The following HTR3E variants were observed in gnomAD, a reference collection of about 807,000 sequenced individuals.
HTR3E encodes 5-hydroxytryptamine (serotonin) receptor 3, family member E.
Under a neutral mutation model 38.0 loss-of-function variants are expected in HTR3E, and 38 were observed. That is an observed-to-expected ratio of 1.00 (90% CI 0.77 to 1.31). The LOEUF (loss-of-function observed/expected upper bound fraction) is 1.31. HTR3E is among the 50% of genes most tolerant of loss of function. HTR3E has a pLI of 0.00. For synonymous variants in HTR3E, 210 were observed against 232.9 expected, an observed-to-expected ratio of 0.90 and a Z score of 0.89; for missense variants, 547 against 585.2, an observed-to-expected ratio of 0.93 and a Z score of 0.67.
In HTR3E at chr3:184,100,711, A is replaced by C. The variant is rs554981782; in HGVS notation, c.234+60A>C. Reference sequence around the variant, plus strand: ...CTTAACCTTTTTCCAGCCCCTGGCAAAGTGGCCCCCCAAAGCCCTTATCCA... The same window carrying C: ...CTTAACCTTTTTCCAGCCCCTGGCACAGTGGCCCCCCAAAGCCCTTATCCA... On this transcript the variant is annotated intron_variant, in intron 2 of 8. Coordinates refer to ENST00000415389, the MANE Select transcript of HTR3E (RefSeq NM_001256613.2). The C allele has an allele frequency of 2.6e-5, 41 of 1,572,518 alleles. No homozygotes were observed. The African/African-American group carries it at 5.4e-4, about 21-fold the overall frequency.
chr3:184,103,773 G>T (rs1712230424), intron 3 of HTR3E, among the ~76,000 whole-genome samples: 1 of 151,440 alleles, frequency 6.6e-6, no homozygotes, highest in Admixed American at 6.6e-5. Flanking sequence ...CTCCAGCCTG[G>T]GTGACAGAGC....
In HTR3E at chr3:184,100,646, G is replaced by A; in HGVS notation, c.229G>A (p.Asp77Asn). The A allele has an allele frequency of 6.2e-7, 1 of 1,613,782 alleles. No homozygotes were observed. The highest frequency in any genetic ancestry group is 8.5e-7 in the Non-Finnish European group (1 of 1,179,878). ...NISFAMSAIL[D>N]VNEQLHLLSS... is the part of the protein sequence containing the mutation. Reference sequence around the variant, plus strand: ...CTCCTTCGCGATGTCTGCCATCCTAGATGTGGTGAGTGCTGACCTCTCTAG... The same window carrying A: ...CTCCTTCGCGATGTCTGCCATCCTAAATGTGGTGAGTGCTGACCTCTCTAG... The change falls in exon 2 of 9, where the codon GAT becomes AAT. Residue 77 changes from aspartate to asparagine, a missense_variant. Physicochemically the swap from Asp to Asn is conservative, Grantham distance 23. Coordinates refer to ENST00000415389, the MANE Select transcript of HTR3E (RefSeq NM_001256613.2).
In HTR3E at chr3:184,105,410, G is replaced by A. The variant is rs750666255; in HGVS notation, c.703G>A (p.Asp235Asn). 1.2e-6 allele frequency: 2 copies of A among 1,612,126 alleles called. No individual in the cohort carries two copies. Among genetic ancestry groups the A allele is most frequent in the South Asian group, 2.2e-5 (2 of 90,678 alleles). Residue 235 changes from aspartate (D) to asparagine (N), a missense_variant, in exon 6 of 9, where the codon GAT (aspartate) becomes AAT (asparagine). Asp to Asn is a conservative substitution (Grantham distance 23, BLOSUM62 1). Coordinates refer to ENST00000415389, the MANE Select transcript of HTR3E (RefSeq NM_001256613.2). ...AKLSRGGNLY[D>N]QIVFYVAIRR... is the part of the protein sequence containing the mutation. ...GTTGTCCAGGGGAGGCAACCTGTAT[G>A]ATCAGATCGTGTTCTATGTGAGCTT...
chr3:184,098,482 C>CA (rs1214516209), intron 1 of HTR3E, among the ~76,000 whole-genome samples: 3 of 152,122 alleles, frequency 2.0e-5, no homozygotes, highest in Non-Finnish European at 4.4e-5. Flanking sequence ...TAAAGGCCAG[C>CA]ACAGGGAAGA....
intron 4 of HTR3E, among the ~76,000 whole-genome samples, chr3:184,104,541 TAAAAAA>T (rs11320996): frequency 2.5e-5 from 3 of 119,268 alleles, no homozygotes. Context: ...CCTCATCTCT[TAAAAAA>T]AAAAAAAAAA....
At position 184,105,798 on chromosome 3, in the gene HTR3E, A is replaced by T; in HGVS notation, c.754A>T (p.Ile252Leu). ...CAGGCGCAGGCCCAGTCTCTATGTC[A>T]TAAACCTTCTCGTGCCCAGTGGCTT... ...AIRRRPSLYV[I>L]NLLVPSGFLV... Residue 252 changes from isoleucine to leucine, a missense_variant, in exon 7 of 9, where the codon ATA becomes TTA. Ile to Leu is a conservative substitution (Grantham distance 5). Coordinates refer to ENST00000415389, the MANE Select transcript of HTR3E (RefSeq NM_001256613.2). 1 of 1,614,166 alleles carries T rather than the reference A, an allele frequency of 6.2e-7. No homozygotes were observed. The highest frequency in any genetic ancestry group is 8.5e-7 in the Non-Finnish European group (1 of 1,180,036).
At chr3:184,105,711 T>C (rs979483410) in intron 6 of HTR3E, 54 bp from the exon 7 acceptor site, 1 of 1,406,324 alleles carries the variant, frequency 7.1e-7, no homozygotes, top group African/African-American at 1.4e-5. Flanking sequence ...TATTCCTGGA[T>C]TTGAGGGTTC....
Position 184,105,960 on chromosome 3 carries a change from C to T in HTR3E, c.916C>T (p.Pro306Ser). ...TGACTTGCTCCCCACCAGTGGCACCCCCCTCATCGGTATGGCTCCTCCCAC... is the reference window on the plus strand; with the variant it reads ...TGACTTGCTCCCCACCAGTGGCACCTCCCTCATCGGTATGGCTCCTCCCAC... ...MSDLLPTSGT[P>S]LIGVYFALCL... The change falls in exon 7 of 9, where the codon CCC (proline) becomes TCC (serine). Residue 306 changes from proline (P) to serine (S), a missense_variant. Physicochemically the swap from Pro to Ser is moderately conservative, Grantham distance 74 (BLOSUM62 -1). Transcript: ENST00000415389. The T allele has an allele frequency of 2.5e-6, 4 of 1,614,164 alleles. No homozygotes were observed. Among genetic ancestry groups the T allele is most frequent in the Non-Finnish European group, 3.4e-6 (4 of 1,180,014 alleles).
chr3:184,103,065 A>G (rs528027295), intron 3 of HTR3E, among the ~76,000 whole-genome samples: 1 of 152,362 alleles, frequency 6.6e-6, no homozygotes, highest in East Asian at 1.9e-4. Context: ...ATGAAAATCT[A>G]TGGAATGTAG....
chr3:184,105,432 G>A lies in HTR3E; in HGVS notation c.720+5G>A, dbSNP rs1054427940. The stretch of plus-strand genomic sequence containing the variant: ...TATGATCAGATCGTGTTCTATGTGA[G>A]CTTGGAGGCTCTTACTCTTTCCTTC... On this transcript the variant is annotated splice_donor_5th_base_variant and intron_variant, in intron 6 of 8. Transcript: ENST00000415389. The A allele has an allele frequency of 2.9e-5, 46 of 1,596,044 alleles. No individual in the cohort carries two copies. Among genetic ancestry groups the A allele is most frequent in the Non-Finnish European group, 3.9e-5 (46 of 1,172,604 alleles).
chr3:184,097,545 T>C lies in HTR3E; in HGVS notation c.16T>C (p.Phe6Leu). The C allele has an allele frequency of 6.5e-7, 1 of 1,535,936 alleles. No individual in the cohort carries two copies. Among genetic ancestry groups the C allele is most frequent in the East Asian group, 2.4e-5 (1 of 40,912 alleles). Reference sequence around the variant, plus strand: ...GACAAAGAAGATGGAAGGAAGCTGGTTCCACAGGAAAAGATTTTCCTTCTA... The same window carrying C: ...GACAAAGAAGATGGAAGGAAGCTGGCTCCACAGGAAAAGATTTTCCTTCTA... MEGSWFHRKRFSFYLL... is the reference protein window; with the variant it reads MEGSWLHRKRFSFYLL... The change falls in exon 1 of 9, where the codon TTC (phenylalanine) becomes CTC (leucine). Residue 6 changes from phenylalanine (F) to leucine (L), a missense_variant. Phe to Leu is a conservative substitution (Grantham distance 22). Coordinates refer to ENST00000415389, the MANE Select transcript of HTR3E (RefSeq NM_001256613.2).
rs1306829274 is a variant in HTR3E, at chr3:184,106,820, T to G, written c.*127T>G. ...ATGACTGAGTCTCTGCTGTATTCCATGTATCCCAATCCGGTCCTGCTGATC... is the reference window on the plus strand; with the variant it reads ...ATGACTGAGTCTCTGCTGTATTCCAGGTATCCCAATCCGGTCCTGCTGATC... On this transcript the variant is annotated 3_prime_UTR_variant, in exon 9 of 9. Coordinates refer to ENST00000415389, the MANE Select transcript of HTR3E (RefSeq NM_001256613.2). This position sits in a 1 kb window ranked among gnomAD's most constrained non-coding sequence, Gnocchi z 4.1. 1 of 944,436 alleles carries G rather than the reference T, an allele frequency of 1.1e-6. No homozygotes were observed. Among genetic ancestry groups the G allele is most frequent in the African/African-American group, 1.6e-5 (1 of 60,644 alleles). 58.5% of individuals were successfully genotyped at this position (944,436 alleles called of 1,614,324 possible). A position where few individuals can be genotyped will look rare whatever the true frequency, so the allele number is the denominator to read the frequency against.
Position 184,101,469 on chromosome 3 carries a change from G to C in HTR3E, c.235-16G>C. 1 of 1,612,946 alleles carries C rather than the reference G, an allele frequency of 6.2e-7. No individual in the cohort carries two copies. The highest frequency in any genetic ancestry group is 8.5e-7 in the Non-Finnish European group (1 of 1,178,942). On this transcript the variant is annotated splice_polypyrimidine_tract_variant and intron_variant, in intron 2 of 8. Transcript: ENST00000415389. ...CTTACTGGCAACATGATGGAAATAG[G>C]AAATTCTTTTGGCAGAATGAACAGC...
At chr3:184,097,639 CCTCT>C (rs1292072520) in intron 1 of HTR3E, 43 bp downstream of exon 1, 5 of 1,446,864 alleles carry the variant, frequency 3.5e-6, no homozygotes, top group Admixed American at 2.0e-5. Flanking sequence ...AGAAGGAGGA[CCTCT>C]CTCTAGTAGA....
At chr3:184,102,648 G>A (rs1167004281) in intron 3 of HTR3E, among the ~76,000 whole-genome samples, 4 of 151,726 alleles carry the variant, frequency 2.6e-5, no homozygotes, top group African/African-American at 9.7e-5. Flanking sequence ...AAAAAAGCTG[G>A]GCACAGTGGC....
intron 1 of HTR3E, chr3:184,100,278 C>T: frequency 1.5e-6 from 2 of 1,374,474 alleles, no homozygotes; most frequent in Non-Finnish European, 2.0e-6. Flanking sequence ...GAGGGTAAAG[C>T]AGTATCTACC....
rs184599913 is a variant in HTR3E at position 184,103,261 on chromosome 3, C to T, written c.280-921C>T. Among the ~76,000 whole-genome samples, 4 of 152,176 alleles carry T rather than the reference C, an allele frequency of 2.6e-5. No individual in the cohort carries two copies. The East Asian group carries it at 7.7e-4, about 29-fold the overall frequency. On this transcript the variant is annotated intron_variant, in intron 3 of 8. Transcript: ENST00000415389. ...CTTTGGGAGGCCTAGGCAGGTGGAT[C>T]ACTTGAGGTCAGGAGTTCGAGACCA...
intron 1 of HTR3E, among the ~76,000 whole-genome samples, chr3:184,097,875 G>A (rs1329607783): frequency 6.6e-6 from 1 of 152,194 alleles, no homozygotes; most frequent in Non-Finnish European, 1.5e-5. Context: ...TGGATATCCA[G>A]TTTTCCCAAT....
chr3:184,104,495 C>A, intron 4 of HTR3E: 2 of 632,054 alleles, frequency 3.2e-6, no homozygotes, highest in Non-Finnish European at 4.9e-6. Flanking sequence ...CACTTCAGTT[C>A]AGGAGTTTGA....
Sources: allele counts gnomAD v4.1 joint callset (sites outside exome capture counted in the v4.1 genomes callset), GRCh38; gene constraint gnomAD v4.1.1; non-coding constraint Gnocchi (gnomAD v3.1); transcripts MANE v1.5; gene names NCBI Gene and HGNC (gene_info 2026-07-23, HGNC 2026-07-21).